Variants in TTC28 observed in about 807,000 individuals in gnomAD.
The protein encoded by TTC28 is tetratricopeptide repeat protein 28.
Under a neutral mutation model 198.0 loss-of-function variants are expected in TTC28, and 61 were observed. That is an observed-to-expected ratio of 0.31 (90% confidence interval 0.25 to 0.38). The LOEUF (loss-of-function observed/expected upper bound fraction) is 0.38, where lower values mean the gene tolerates loss of function less well. Ranked by LOEUF, TTC28 falls within the 10% of genes least tolerant of loss-of-function variation. TTC28 has a pLI of 1.00. For missense variants in TTC28, 2,678 were observed against 3,164.0 expected (o/e 0.85, Z 3.69); for synonymous variants, 1,171 against 1,297.8 (o/e 0.90, Z 2.10).
At chr22:27,987,817 C>T (rs932471889) in intron 21 of TTC28, among the ~76,000 whole-genome samples, 28 of 152,210 alleles carry the variant, frequency 1.8e-4, no homozygotes, top group Admixed American at 1.8e-3. Context: ...AGAAGCATCC[C>T]GGATGGGAAC....
intron 1 of TTC28, among the ~76,000 whole-genome samples, chr22:28,670,704 C>CATATATATGTATATATATAT (rs2051864637): frequency 7.8e-6 from 1 of 128,554 alleles, no homozygotes. Context: ...GTCTTTAGGG[C>CATATATATGTATATATATAT]ATATATATAT....
intron 5 of TTC28, among the ~76,000 whole-genome samples, chr22:28,239,570 A>G (rs1457515748): frequency 6.6e-6 from 1 of 152,298 alleles, no homozygotes; most frequent in Admixed American, 6.5e-5. Flanking sequence ...AGATTAAACA[A>G]AACAGTTTTA....
chr22:28,563,708 A>T (rs2049926832), intron 2 of TTC28, among the ~76,000 whole-genome samples: 1 of 152,176 alleles, frequency 6.6e-6, no homozygotes, highest in Non-Finnish European at 1.5e-5. Flanking sequence ...GGGATGTAAA[A>T]TGATGCAACT....
chr22:28,016,934 A>G (rs763676492), intron 13 of TTC28, among the ~76,000 whole-genome samples: 1 of 152,168 alleles, frequency 6.6e-6, no homozygotes, highest in Non-Finnish European at 1.5e-5. Flanking sequence ...CCTACTGGCA[A>G]TGCTGAACTA....
intron 2 of TTC28, among the ~76,000 whole-genome samples, chr22:28,307,876 C>T (rs1454868468): frequency 1.3e-5 from 2 of 151,872 alleles, no homozygotes; most frequent in Non-Finnish European, 2.9e-5. Flanking sequence ...CTTAAAACTA[C>T]CACTCAATAA....
At chr22:28,551,023 A>G (rs2049660770) in intron 2 of TTC28, among the ~76,000 whole-genome samples, 1 of 152,104 alleles carries the variant, frequency 6.6e-6, no homozygotes, top group Non-Finnish European at 1.5e-5. Context: ...AATTCTAAAT[A>G]TATATGCACC....
At chr22:28,465,004 C>CA (rs1445360197) in intron 2 of TTC28, among the ~76,000 whole-genome samples, 1 of 152,160 alleles carries the variant, frequency 6.6e-6, no homozygotes, top group African/African-American at 2.4e-5. Context: ...TAGACTCCCC[C>CA]AAAACTTCAC....
intron 1 of TTC28, among the ~76,000 whole-genome samples, chr22:28,652,346 G>A (rs1049586320): frequency 3.9e-5 from 6 of 152,180 alleles, no homozygotes; most frequent in Non-Finnish European, 8.8e-5. Context: ...AAGTTGCCTT[G>A]CTACAGAGAA....
intron 12 of TTC28, among the ~76,000 whole-genome samples, chr22:28,074,369 C>A (rs575910567): frequency 1.3e-5 from 2 of 152,152 alleles, no homozygotes; most frequent in Non-Finnish European, 2.9e-5. Context: ...TGACATGGAA[C>A]CATGAGGGGA....
chr22:28,422,983 T>G (rs1420426119), intron 2 of TTC28, among the ~76,000 whole-genome samples: 2 of 152,194 alleles, frequency 1.3e-5, no homozygotes, highest in Non-Finnish European at 2.9e-5. Flanking sequence ...AAAGCAGAGT[T>G]TGGTTTTTTA....
At chr22:28,609,715 C>A (rs2050788143) in intron 2 of TTC28, among the ~76,000 whole-genome samples, 1 of 151,920 alleles carries the variant, frequency 6.6e-6, no homozygotes, top group Non-Finnish European at 1.5e-5. Flanking sequence ...CCCAGTGGCG[C>A]CTGGAATGCC....
At chr22:28,198,232 A>G (rs2147145790) in intron 5 of TTC28, among the ~76,000 whole-genome samples, 2 of 152,224 alleles carry the variant, frequency 1.3e-5, no homozygotes, top group East Asian at 3.9e-4. Context: ...TACGTTGTTT[A>G]GCAGCATCCC....
Position 28,679,688 on chromosome 22 carries a change from G to A in TTC28, c.36C>T (p.Thr12=), listed in dbSNP as rs1264033562. 6.9e-6 allele frequency: 9 copies of A among 1,311,894 alleles called. No individual in the cohort carries two copies. The South Asian group carries it at 1.2e-4, about 18-fold the overall frequency. The allele number at this position is 1,311,894 out of a possible 1,614,324, so 81.3% of individuals were successfully genotyped here. The change falls in exon 1 of 23, where the codon ACC becomes ACT. Residue 12 remains threonine (T), a synonymous_variant. Transcript: ENST00000397906. Reference sequence around the variant, plus strand: ...GGCTCCTTGCGGGGGTCGGCCCTTGGGTCGGCTCGGGCGCCGGCGGCGGCG... The same window carrying A: ...GGCTCCTTGCGGGGGTCGGCCCTTGAGTCGGCTCGGGCGCCGGCGGCGGCG... ...EQSPPPAPEP[T]QGPTPARSRR... is the part of the protein sequence containing the mutation.
intron 2 of TTC28, among the ~76,000 whole-genome samples, chr22:28,620,571 C>G (rs2146182538): frequency 6.6e-6 from 1 of 152,222 alleles, no homozygotes; most frequent in South Asian, 2.1e-4. Flanking sequence ...AGAATTGTAA[C>G]CAGAGATGAA....
At chr22:28,633,750 C>T (rs572712493) in intron 1 of TTC28, among the ~76,000 whole-genome samples, 2 of 152,244 alleles carry the variant, frequency 1.3e-5, no homozygotes, top group South Asian at 2.1e-4. Context: ...AGTAACATTT[C>T]CCAAAATATA....
chr22:28,333,406 C>A (rs947417918), intron 2 of TTC28, among the ~76,000 whole-genome samples: 3 of 152,080 alleles, frequency 2.0e-5, no homozygotes, highest in Non-Finnish European at 4.4e-5. Flanking sequence ...TCATAATAGT[C>A]TGGAGACATC....
chr22:28,199,548 T>TATATATATATATATATACAC (rs60177369), intron 5 of TTC28, among the ~76,000 whole-genome samples: 12 of 147,462 alleles, frequency 8.1e-5, no homozygotes, highest in African/African-American at 3.0e-4. Context: ...TATATATATA[T>TATATATATATATATATACAC]ACACACAAAC....
At chr22:28,637,608 A>C (rs1283988637) in intron 1 of TTC28, among the ~76,000 whole-genome samples, 1 of 152,246 alleles carries the variant, frequency 6.6e-6, no homozygotes, top group African/African-American at 2.4e-5. Flanking sequence ...AAAGGTTTAC[A>C]CAACAGTCAG....
At chr22:28,060,158 T>TA (rs2146733509) in intron 12 of TTC28, among the ~76,000 whole-genome samples, 1 of 152,302 alleles carries the variant, frequency 6.6e-6, no homozygotes, top group East Asian at 1.9e-4. Flanking sequence ...GCAGGTTTGT[T>TA]ACACATGTAT....
Sources: gnomAD v4.1 joint callset for allele counts (sites outside exome capture counted in the v4.1 genomes callset) on GRCh38, gnomAD v4.1.1 for gene constraint, MANE v1.5 for transcripts, NCBI Gene and HGNC (gene_info 2026-07-23, HGNC 2026-07-21) for gene names.